HIF3A: variants seen among roughly 807,000 people sequenced by gnomAD.
The protein encoded by HIF3A is hypoxia inducible factor 3 subunit alpha.
Under a neutral mutation model 67.2 loss-of-function variants are expected in HIF3A, and 41 were observed. The ratio of observed to expected loss-of-function variants is 0.61; its 90% CI spans 0.48 to 0.79. The LOEUF (loss-of-function observed/expected upper bound fraction) is 0.79. Among genes scored for constraint, HIF3A ranks in the 30% least tolerant of loss-of-function variants. HIF3A has a pLI of 0.00. For synonymous variants in HIF3A, 356 were observed against 374.8 expected, an observed-to-expected ratio of 0.95 and a Z score of 0.58; for missense variants, 855 against 898.0, an observed-to-expected ratio of 0.95 and a Z score of 0.61.
In HIF3A at chr19:46,298,549, C is replaced by T. The variant is rs1280098325; in HGVS notation, c.26+1447C>T. ...CCCCCAACACCTCCTTTCCCCCTTC[C>T]CTTCCTCTAGCTGGGGCTGGCTGCC... On this transcript the variant is annotated intron_variant, in intron 1 of 14. Coordinates refer to ENST00000377670, the MANE Select transcript of HIF3A (RefSeq NM_152795.4). 4 of 1,242,772 alleles carry T rather than the reference C, an allele frequency of 3.2e-6. No homozygotes were observed. The African/African-American group carries it at 6.2e-5, about 19-fold the overall frequency. The allele number at this position is 1,242,772 out of a possible 1,614,324, so 77.0% of individuals were successfully genotyped here.
At chr19:46,310,328 G>A (rs542560851) in intron 6 of HIF3A, among the ~76,000 whole-genome samples, 15 of 152,304 alleles carry the variant, frequency 9.8e-5, no homozygotes, top group Middle Eastern at 3.4e-3. Context: ...CCAGGAGGTT[G>A]AGGCTGCAGT....
intron 1 of HIF3A, chr19:46,298,530 ACAC>A: frequency 7.9e-7 from 1 of 1,263,354 alleles, no homozygotes; most frequent in Non-Finnish European, 1.0e-6. Flanking sequence ...TGGGCCCCCA[ACAC>A]CTCCTTTCCC....
At chr19:46,336,944 G>A (rs1351475539) in intron 14 of HIF3A, among the ~76,000 whole-genome samples, 4 of 152,240 alleles carry the variant, frequency 2.6e-5, no homozygotes, top group East Asian at 1.9e-4. Context: ...CTGAGATCAC[G>A]CCATTGTACT....
chr19:46,331,874 A>G (rs1971257327), intron 13 of HIF3A, among the ~76,000 whole-genome samples: 3 of 150,704 alleles, frequency 2.0e-5, no homozygotes, highest in Non-Finnish European at 1.5e-5. Flanking sequence ...AAAAAAAAAA[A>G]GGCAATAAGT....
Position 46,309,221 on chromosome 19 carries a change from A to C in HIF3A, c.632A>C (p.Asp211Ala), listed in dbSNP as rs1969203052. The change falls in exon 6 of 15, where the codon GAC becomes GCC. Residue 211 changes from aspartate to alanine, a missense_variant. By Grantham distance (126) the Asp-to-Ala change is moderately radical. Around this residue, in one of 3 missense-constraint regions of HIF3A, gnomAD observed 638 missense variants for 660.5 expected, o/e 0.97. Transcript: ENST00000377670. ...PAQTSPAGSP[D>A]SEPPLQCLVL... ...CAGACTTCTCCAGCTGGGAGCCCTG[A>C]CTCAGAGCCCCCGCTGCAGTGCCTG... is the stretch of plus-strand genomic sequence containing the variant. The C allele has an allele frequency of 6.2e-7, 1 of 1,613,824 alleles. No homozygotes were observed. The highest frequency in any genetic ancestry group is 1.3e-5 in the African/African-American group (1 of 74,856).
rs1056534101 is a variant in HIF3A at position 46,341,417 on chromosome 19, C to T, written c.*1795C>T. On this transcript the variant is annotated 3_prime_UTR_variant, in exon 15 of 15. Coordinates refer to ENST00000377670, the MANE Select transcript of HIF3A (RefSeq NM_152795.4). ...GTTTCACCATGTTGGCCAGGCTGGT[C>T]TTGAACTCCCGACCTCAACTGATCC... 3.3e-5 allele frequency: 5 copies of T among 152,030 alleles called. No individual in the cohort carries two copies. Among genetic ancestry groups the T allele is most frequent in the African/African-American group, 9.7e-5 (4 of 41,416 alleles). The allele number at this position is 152,030 out of a possible 1,614,324, so 9.4% of individuals were successfully genotyped here. A position where few individuals can be genotyped will look rare whatever the true frequency, so the allele number is the denominator to read the frequency against.
chr19:46,297,184 T>TG lies in HIF3A; in HGVS notation c.26+86dup, dbSNP rs1422187281. 5 of 210,572 alleles carry TG rather than the reference T, an allele frequency of 2.4e-5. No homozygotes were observed. The highest frequency in any genetic ancestry group is 4.5e-5 in the Non-Finnish European group (5 of 112,336). The allele number at this position is 210,572 out of a possible 1,614,324, so 13.0% of individuals were successfully genotyped here. Reference sequence around the variant, plus strand: ...CCCTGAGCTGGATTGTTGGGGGGGGTGGGGTTCGCGGGTGCGAGCCAAGAA... The same window carrying TG: ...CCCTGAGCTGGATTGTTGGGGGGGGTGGGGGTTCGCGGGTGCGAGCCAAGAA... On this transcript the variant is annotated intron_variant, in intron 1 of 14. Transcript: ENST00000377670. This position sits in a 1 kb window ranked among gnomAD's most constrained non-coding sequence, Gnocchi z 4.5.
chr19:46,314,512 A>G lies in HIF3A; in HGVS notation c.1025+1859A>G, dbSNP rs1016309573. 6.8e-5 allele frequency among the ~76,000 whole-genome samples: 10 copies of G among 147,560 alleles called. 3 individuals carry two copies. The highest frequency in any genetic ancestry group is 1.7e-4 in the African/African-American group (7 of 40,680). On this transcript the variant is annotated intron_variant, in intron 8 of 14. Coordinates refer to ENST00000377670, the MANE Select transcript of HIF3A (RefSeq NM_152795.4). ...ACTATCACAATCCAGCTATTGACCA[A>G]TTAGTGTGGTTACACAATTACCACA...
At chr19:46,313,645 T>C (rs1969669046) in intron 8 of HIF3A, among the ~76,000 whole-genome samples, 1 of 149,268 alleles carries the variant, frequency 6.7e-6, no homozygotes, top group Non-Finnish European at 1.5e-5. Flanking sequence ...ATTATAATAG[T>C]GGTTACACAA....
At position 46,339,575 on chromosome 19, in the gene HIF3A, C is replaced by T. The variant is rs1349559529; in HGVS notation, c.1963C>T (p.Pro655Ser). The change falls in exon 15 of 15, where the codon CCC (proline) becomes TCC (serine). Residue 655 changes from proline (P) to serine (S), a missense_variant. Pro to Ser is a moderately conservative substitution (Grantham distance 74). Coordinates refer to ENST00000377670, the MANE Select transcript of HIF3A (RefSeq NM_152795.4). The stretch of plus-strand genomic sequence containing the variant: ...GTACTCAGACGAGGACACTACCCAG[C>T]CCGGGGGCCCCTTCCAGCCAAGGGC... ...SPYSDEDTTQPGGPFQPRAGS... is the reference protein window; with the variant it reads ...SPYSDEDTTQSGGPFQPRAGS... 3.1e-6 allele frequency: 5 copies of T among 1,609,338 alleles called. No homozygotes were observed. The highest frequency in any genetic ancestry group is 4.2e-6 in the Non-Finnish European group (5 of 1,177,244).
intron 8 of HIF3A, among the ~76,000 whole-genome samples, chr19:46,318,579 A>T (rs1970114918): frequency 6.7e-6 from 1 of 150,026 alleles, no homozygotes; most frequent in African/African-American, 2.4e-5. Flanking sequence ...AAGTAAACAG[A>T]AGCAGGTGAA....
In HIF3A at chr19:46,320,682, G is replaced by A. The variant is rs994542353; in HGVS notation, c.1144+121G>A. The A allele has an allele frequency of 2.9e-5, 20 of 691,594 alleles. 1 individual carries two copies. Among genetic ancestry groups the A allele is most frequent in the South Asian group, 5.4e-5 (3 of 55,254 alleles). The allele number at this position is 691,594 out of a possible 1,614,324, so 42.8% of individuals were successfully genotyped here. ...CCTGCCTCCTGCCTCCCTTCCCTGCGCACTCAGCCTCCAAAACACACAGCC... is the reference window on the plus strand; with the variant it reads ...CCTGCCTCCTGCCTCCCTTCCCTGCACACTCAGCCTCCAAAACACACAGCC... On this transcript the variant is annotated intron_variant, in intron 9 of 14. Coordinates refer to ENST00000377670, the MANE Select transcript of HIF3A (RefSeq NM_152795.4).
Position 46,301,777 on chromosome 19 carries a change from G to A in HIF3A, c.27-2121G>A, listed in dbSNP as rs552692210. Among the ~76,000 whole-genome samples the A allele has an allele frequency of 4.1e-4, 62 of 150,110 alleles. No individual in the cohort carries two copies. The South Asian group carries it at 0.012, about 29-fold the overall frequency. On this transcript the variant is annotated intron_variant, in intron 1 of 14. Transcript: ENST00000377670. ...GCGGAGGCTGCAGTGAGCCAAGATC[G>A]TGCCATTATACTCCAGCCTGGCTGA...
rs1249080241 is a variant in HIF3A at position 46,339,972 on chromosome 19, G to C, written c.*350G>C. 4 of 237,636 alleles carry C rather than the reference G, an allele frequency of 1.7e-5. No homozygotes were observed. The highest frequency in any genetic ancestry group is 1.7e-4 in the Admixed American group (3 of 17,834). 14.7% of individuals were successfully genotyped at this position (237,636 alleles called of 1,614,324 possible). On this transcript the variant is annotated 3_prime_UTR_variant, in exon 15 of 15. Coordinates refer to ENST00000377670, the MANE Select transcript of HIF3A (RefSeq NM_152795.4). ...ATCAGGGGTGAGGAGGGTTGGGGGG[G>C]TCATATCTGTGTTTCCAGGTTCTGG...
In HIF3A at chr19:46,308,316, T is replaced by C. The variant is rs756565092; in HGVS notation, c.448+11T>C. 15 of 1,568,236 alleles carry C rather than the reference T, an allele frequency of 9.6e-6. No homozygotes were observed. The highest frequency in any genetic ancestry group is 1.3e-5 in the Non-Finnish European group (15 of 1,143,446). ...TGACCCCCCAGCAGAGTGAGTTCCC[T>C]GGAGGCCTCTGTCCCCACCATACAG... On this transcript the variant is annotated intron_variant, in intron 4 of 14. Transcript: ENST00000377670.
intron 10 of HIF3A, 48 bp from the exon 11 acceptor site, chr19:46,325,487 C>A: frequency 1.5e-6 from 2 of 1,349,512 alleles, no homozygotes; most frequent in Non-Finnish European, 2.1e-6. Flanking sequence ...AATGTTGATA[C>A]CTCCCAGGCT....
At chr19:46,300,731 T>C (rs1390480186) in intron 1 of HIF3A, among the ~76,000 whole-genome samples, 1 of 151,778 alleles carries the variant, frequency 6.6e-6, no homozygotes, top group East Asian at 1.9e-4. Flanking sequence ...AGTAGTGGAG[T>C]TGATAAGTAG....
At chr19:46,335,019 A>T (rs771468943) in intron 14 of HIF3A, 33 bp downstream of exon 14, 3 of 1,563,272 alleles carry the variant, frequency 1.9e-6, no homozygotes. Context: ...AGAGCCCCAG[A>T]GCACCTTCTC....
chr19:46,305,647 G>A (rs193231355), intron 3 of HIF3A, among the ~76,000 whole-genome samples: 14 of 152,258 alleles, frequency 9.2e-5, no homozygotes, highest in Admixed American at 3.9e-4. Flanking sequence ...AGATATCTGA[G>A]CTGAAATCTG....
Sources: allele counts gnomAD v4.1 joint callset (sites outside exome capture counted in the v4.1 genomes callset), GRCh38; gene constraint gnomAD v4.1.1; regional missense constraint gnomAD v4.1.1; non-coding constraint Gnocchi (gnomAD v3.1); transcripts MANE v1.5; gene names NCBI Gene and HGNC (gene_info 2026-07-23, HGNC 2026-07-21).